Variants in SLC9C1 observed in about 807,000 individuals in gnomAD.
SLC9C1 encodes solute carrier family 9 member C1.
Under a neutral mutation model 140.9 loss-of-function variants are expected in SLC9C1, and 97 were observed. The observed-to-expected ratio is 0.69, with a 90% CI of 0.58 to 0.82. SLC9C1 has a LOEUF of 0.82. Ranked by LOEUF, SLC9C1 falls within the 40% of genes least tolerant of loss-of-function variation. The pLI, the probability that SLC9C1 is intolerant of heterozygous loss-of-function variation, is 0.00. For missense variants in SLC9C1, 1,340 were observed against 1,389.3 expected (o/e 0.96, Z 0.56); for synonymous variants, 440 against 442.6 (o/e 0.99, Z 0.07).
At chr3:112,289,936 C>T (rs2080628948) in intron 1 of SLC9C1, among the ~76,000 whole-genome samples, 1 of 152,110 alleles carries the variant, frequency 6.6e-6, no homozygotes, top group Admixed American at 6.5e-5. Flanking sequence ...TTGGTGCCCA[C>T]CCTCCAAGGT....
intron 6 of SLC9C1, among the ~76,000 whole-genome samples, chr3:112,273,983 A>G (rs1402629100): frequency 6.6e-6 from 1 of 152,192 alleles, no homozygotes; most frequent in African/African-American, 2.4e-5. Flanking sequence ...GTAGGTCGTC[A>G]GTTTATCAAG....
At chr3:112,278,973 C>G in intron 3 of SLC9C1, 116 bp from the exon 4 acceptor site, 1 of 1,005,954 alleles carries the variant, frequency 9.9e-7, no homozygotes, top group African/African-American at 1.7e-5. Context: ...AGATATATCA[C>G]ACAAAGGAGT....
chr3:112,223,607 CAA>C (rs1182664866), intron 13 of SLC9C1, among the ~76,000 whole-genome samples: 1 of 150,232 alleles, frequency 6.7e-6, no homozygotes, highest in Non-Finnish European at 1.5e-5. Context: ...ACAAAAGAAA[CAA>C]AGAAAGGAAA....
intron 18 of SLC9C1, 94 bp from the exon 19 acceptor site, chr3:112,200,856 A>G: frequency 1.8e-6 from 2 of 1,138,478 alleles, no homozygotes; most frequent in Non-Finnish European, 1.3e-6. Flanking sequence ...ACCTAAGTTA[A>G]TAGTTTTAAG....
chr3:112,225,550 A>AAAT lies in SLC9C1; in HGVS notation c.1573-4326_1573-4325insATT, dbSNP rs1553798919. ...GGAAATACACACCAACCAAAAAAAA[A>AAAT]AACACATGACACCTTTCAATAATAT... is the stretch of plus-strand genomic sequence containing the variant. On this transcript the variant is annotated intron_variant, in intron 13 of 28. Transcript: ENST00000305815. Among the ~76,000 whole-genome samples, 128 of 151,676 alleles carry AAAT rather than the reference A, an allele frequency of 8.4e-4. No homozygotes were observed. The East Asian group carries it at 0.014, about 17-fold the overall frequency.
At chr3:112,219,798 C>T (rs546079113) in intron 14 of SLC9C1, among the ~76,000 whole-genome samples, 1 of 152,074 alleles carries the variant, frequency 6.6e-6, no homozygotes, top group African/African-American at 2.4e-5. Context: ...TCAGGCTGGT[C>T]TCGAACTCCT....
intron 1 of SLC9C1, among the ~76,000 whole-genome samples, chr3:112,293,112 C>CAAA (rs58937356): frequency 1.6e-5 from 2 of 128,984 alleles, no homozygotes; most frequent in East Asian, 2.3e-4. Context: ...ACTAAAAATA[C>CAAA]AAAAAAAAAA....
intron 10 of SLC9C1, among the ~76,000 whole-genome samples, chr3:112,249,089 C>G (rs2079375478): frequency 6.6e-6 from 1 of 152,052 alleles, no homozygotes; most frequent in Non-Finnish European, 1.5e-5. Context: ...GTGGGCTTGT[C>G]ATAGAGGGCT....
chr3:112,214,193 G>A (rs996729502), intron 15 of SLC9C1, among the ~76,000 whole-genome samples: 6 of 152,120 alleles, frequency 3.9e-5, no homozygotes, highest in Non-Finnish European at 7.3e-5. Flanking sequence ...AGAATCTCTG[G>A]GACACATTTA....
intron 15 of SLC9C1, among the ~76,000 whole-genome samples, chr3:112,212,577 A>G (rs2078239550): frequency 6.6e-6 from 1 of 152,226 alleles, no homozygotes; most frequent in South Asian, 2.1e-4. Context: ...TTCAGTAGCC[A>G]ATTAGATCAA....
rs375077763 is a variant in SLC9C1, at chr3:112,221,175, G to A, written c.1623C>T (p.Val541=). 2.4e-5 allele frequency: 38 copies of A among 1,613,570 alleles called. No individual in the cohort carries two copies. The African/African-American group carries it at 4.3e-4, about 18-fold the overall frequency. ...YRNEILSQSA[V]QVLVGAAESF... Reference sequence around the variant, plus strand: ...TTTCTGCTGCACCAACCAACACCTGGACAGCACTCTGGGACAGAATCTCAT... The same window carrying A: ...TTTCTGCTGCACCAACCAACACCTGAACAGCACTCTGGGACAGAATCTCAT... Residue 541 remains valine, a synonymous_variant, in exon 14 of 29, where the codon GTC becomes GTT. Coordinates refer to ENST00000305815, the MANE Select transcript of SLC9C1 (RefSeq NM_183061.3).
At chr3:112,181,638 A>G (rs569334574) in intron 21 of SLC9C1, among the ~76,000 whole-genome samples, 1 of 152,346 alleles carries the variant, frequency 6.6e-6, no homozygotes, top group Non-Finnish European at 1.5e-5. Flanking sequence ...ATAAAGGTAC[A>G]TATTGGATAC....
At chr3:112,149,781 G>T (rs977520188) in intron 28 of SLC9C1, among the ~76,000 whole-genome samples, 1 of 152,054 alleles carries the variant, frequency 6.6e-6, no homozygotes, top group Non-Finnish European at 1.5e-5. Flanking sequence ...CCTGAGATCT[G>T]CCTGGGTGGG....
At chr3:112,179,146 C>T (rs535789411) in intron 23 of SLC9C1, among the ~76,000 whole-genome samples, 1 of 152,126 alleles carries the variant, frequency 6.6e-6, no homozygotes, top group Non-Finnish European at 1.5e-5. Context: ...ATTTTGTTCT[C>T]AATCATGTGT....
At chr3:112,293,646 T>C (rs976815227) in intron 1 of SLC9C1, among the ~76,000 whole-genome samples, 3 of 152,092 alleles carry the variant, frequency 2.0e-5, no homozygotes, top group African/African-American at 7.2e-5. Context: ...AACGCAGACA[T>C]CTTACTGACT....
intron 11 of SLC9C1, among the ~76,000 whole-genome samples, chr3:112,240,894 T>A (rs1421407400): frequency 6.6e-6 from 1 of 151,972 alleles, no homozygotes; most frequent in African/African-American, 2.4e-5. Flanking sequence ...CATCACATAT[T>A]CTCACTTATT....
intron 17 of SLC9C1, among the ~76,000 whole-genome samples, 162 bp from the exon 18 acceptor site, chr3:112,202,561 A>T (rs1179823055): frequency 6.6e-6 from 1 of 152,028 alleles, no homozygotes; most frequent in Non-Finnish European, 1.5e-5. Flanking sequence ...TGGTATCTTT[A>T]TAACTTCATG....
At position 112,294,168 on chromosome 3, in the gene SLC9C1, A is replaced by G. The variant is rs896982349; in HGVS notation, c.-163T>C. 2.0e-5 allele frequency: 3 copies of G among 152,352 alleles called. No individual in the cohort carries two copies. Among genetic ancestry groups the G allele is most frequent in the African/African-American group, 7.2e-5 (3 of 41,422 alleles). The allele number at this position is 152,352 out of a possible 1,614,324, so 9.4% of individuals were successfully genotyped here. On this transcript the variant is annotated 5_prime_UTR_variant, in exon 1 of 29. Transcript: ENST00000305815. ...GGGCAGCTATTTCGCTCACAGCCAA[A>G]CAGCCCAGACCAACTGCAACCTCAC... is the stretch of plus-strand genomic sequence containing the variant.
intron 28 of SLC9C1, among the ~76,000 whole-genome samples, chr3:112,146,991 CAT>C (rs2074815819): frequency 6.6e-6 from 1 of 152,182 alleles, no homozygotes; most frequent in African/African-American, 2.4e-5. Context: ...ATATTGGGTG[CAT>C]ATAAATTTAG....
Sources: gnomAD v4.1 joint callset for allele counts (sites outside exome capture counted in the v4.1 genomes callset) on GRCh38, gnomAD v4.1.1 for gene constraint, MANE v1.5 for transcripts, NCBI Gene and HGNC (gene_info 2026-07-23, HGNC 2026-07-21) for gene names.